CAMK2D: variants seen among roughly 807,000 people sequenced by gnomAD.
CAMK2D encodes calcium/calmodulin dependent protein kinase II delta, also known as calcium/calmodulin-dependent protein kinase type II subunit delta.
Under a neutral mutation model 84.0 loss-of-function variants are expected in CAMK2D, and 37 were observed. That is an observed-to-expected ratio of 0.44 (90% CI 0.34 to 0.58). The LOEUF is 0.58. Ranked by LOEUF, CAMK2D falls within the 20% of genes least tolerant of loss-of-function variation. CAMK2D has a pLI of 0.02. For synonymous variants in CAMK2D, 202 were observed against 212.5 expected (o/e 0.95, Z 0.43); for missense variants, 448 against 652.5 (o/e 0.69, Z 3.41).
intron 5 of CAMK2D, chr4:113,548,817 G>GAAAC (rs950760399): frequency 4.0e-5 from 26 of 642,514 alleles, no homozygotes; most frequent in Middle Eastern, 2.5e-4. Context: ...AAGTCCCAAT[G>GAAAC]AAACAAACAA....
chr4:113,700,723 A>G (rs546227709), intron 2 of CAMK2D, among the ~76,000 whole-genome samples: 1 of 152,226 alleles, frequency 6.6e-6, no homozygotes, highest in South Asian at 2.1e-4. Flanking sequence ...TTTTCTCTGC[A>G]GAAAAGGAAA....
At chr4:113,504,525 T>C (rs2098101053) in intron 14 of CAMK2D, among the ~76,000 whole-genome samples, 2 of 152,354 alleles carry the variant, frequency 1.3e-5, no homozygotes, top group South Asian at 4.1e-4. Flanking sequence ...ACGAGAACTC[T>C]GAATAAGGTC....
At chr4:113,594,885 T>C (rs1293688652) in intron 4 of CAMK2D, among the ~76,000 whole-genome samples, 1 of 152,148 alleles carries the variant, frequency 6.6e-6, no homozygotes, top group Non-Finnish European at 1.5e-5. Context: ...AGTAACAACA[T>C]TTGAAGCAAT....
At chr4:113,536,413 G>A (rs894939873) in intron 7 of CAMK2D, among the ~76,000 whole-genome samples, 2 of 152,192 alleles carry the variant, frequency 1.3e-5, no homozygotes, top group Non-Finnish European at 2.9e-5. Context: ...CTTGGGAGAT[G>A]TGTACATTAG....
chr4:113,600,792 C>A (rs954851588), intron 4 of CAMK2D, among the ~76,000 whole-genome samples: 1 of 150,672 alleles, frequency 6.6e-6, no homozygotes, highest in African/African-American at 2.5e-5. Flanking sequence ...ACCACCACAC[C>A]AGCTACTTTG....
intron 2 of CAMK2D, among the ~76,000 whole-genome samples, chr4:113,727,270 G>A (rs1006483926): frequency 8.5e-5 from 13 of 152,090 alleles, no homozygotes; most frequent in Non-Finnish European, 1.6e-4. Flanking sequence ...AGCTCGGATA[G>A]ATAAAACTAG....
chr4:113,557,785 G>A lies in CAMK2D; in HGVS notation c.276-5689C>T, dbSNP rs961659684. 6.6e-5 allele frequency among the ~76,000 whole-genome samples: 10 copies of A among 151,890 alleles called. No homozygotes were observed. In the East Asian group the frequency reaches 1.9e-3, roughly 29 times the overall value. On this transcript the variant is annotated intron_variant, in intron 4 of 20. Coordinates refer to ENST00000511664, the MANE Select transcript of CAMK2D (RefSeq NM_001321571.2). Reference sequence around the variant, plus strand: ...CCCTTAGCTCCCCAAAATTCCCCTGGGCACATATACGTATATTATGAGCAT... The same window carrying A: ...CCCTTAGCTCCCCAAAATTCCCCTGAGCACATATACGTATATTATGAGCAT...
intron 3 of CAMK2D, among the ~76,000 whole-genome samples, chr4:113,625,964 A>T (rs1186763484): frequency 6.6e-6 from 1 of 151,994 alleles, no homozygotes; most frequent in Non-Finnish European, 1.5e-5. Context: ...TAGTGAGCCA[A>T]GATTGCACCA....
At chr4:113,515,946 T>TTAAC (rs1303364081) in intron 9 of CAMK2D, among the ~76,000 whole-genome samples, 16 of 152,224 alleles carry the variant, frequency 1.1e-4, no homozygotes, top group African/African-American at 3.9e-4. Flanking sequence ...TGATAATTAC[T>TTAAC]TAACTTACTT....
chr4:113,495,165 C>T (rs551129798), intron 16 of CAMK2D, among the ~76,000 whole-genome samples: 2 of 152,260 alleles, frequency 1.3e-5, no homozygotes, highest in Admixed American at 6.5e-5. Context: ...TGGCTCCTCC[C>T]CCCAGTAATT....
intron 2 of CAMK2D, among the ~76,000 whole-genome samples, chr4:113,696,618 C>T (rs191112645): frequency 3.3e-5 from 5 of 152,186 alleles, no homozygotes; most frequent in Non-Finnish European, 7.4e-5. Context: ...CCCTTGCCTT[C>T]TCATCTTCAT....
intron 2 of CAMK2D, among the ~76,000 whole-genome samples, chr4:113,737,884 G>A (rs984549217): frequency 3.3e-5 from 5 of 152,070 alleles, no homozygotes; most frequent in African/African-American, 1.2e-4. Flanking sequence ...GGGAAAGAGT[G>A]AAGAGCTCTC....
chr4:113,759,928 G>A (rs1294098475), intron 1 of CAMK2D, among the ~76,000 whole-genome samples: 1 of 152,086 alleles, frequency 6.6e-6, no homozygotes, highest in Non-Finnish European at 1.5e-5. Flanking sequence ...TTGGACTGGG[G>A]GAGGGGAGAG....
intron 15 of CAMK2D, among the ~76,000 whole-genome samples, chr4:113,502,188 G>T (rs2098056924): frequency 6.6e-6 from 1 of 151,878 alleles, no homozygotes; most frequent in Admixed American, 6.6e-5. Flanking sequence ...ATTCAGAAAA[G>T]GTCTTTCATC....
intron 2 of CAMK2D, among the ~76,000 whole-genome samples, chr4:113,693,552 T>C (rs562663854): frequency 1.2e-4 from 18 of 152,292 alleles, no homozygotes; most frequent in Admixed American, 3.9e-4. Context: ...ACTAATGCCC[T>C]GTTTCCCTTC....
chr4:113,552,798 A>G (rs1303716823), intron 4 of CAMK2D, among the ~76,000 whole-genome samples: 1 of 152,206 alleles, frequency 6.6e-6, no homozygotes, highest in Non-Finnish European at 1.5e-5. Context: ...TACTGGGTGA[A>G]AGAGTACCCA....
At position 113,727,229 on chromosome 4, in the gene CAMK2D, ACT is replaced by A. The variant is rs200036605; in HGVS notation, c.160+32089_160+32090del. Reference sequence around the variant, plus strand: ...AGGTTATTTTTTAAAGAAATTGACAACTCTCTGTAAATTTATATAAAAATGAA... The same window carrying A: ...AGGTTATTTTTTAAAGAAATTGACAACTCTGTAAATTTATATAAAAATGAA... On this transcript the variant is annotated intron_variant, in intron 2 of 20. Transcript: ENST00000511664. Among the ~76,000 whole-genome samples the A allele has an allele frequency of 2.5e-3, 388 of 152,280 alleles. 2 individuals carry two copies. Among genetic ancestry groups the A allele is most frequent in the African/African-American group, 9.1e-3 (379 of 41,566 alleles).
At chr4:113,527,832 A>T (rs1212735750) in intron 8 of CAMK2D, among the ~76,000 whole-genome samples, 1 of 152,188 alleles carries the variant, frequency 6.6e-6, no homozygotes, top group East Asian at 1.9e-4. Flanking sequence ...CAGATATACA[A>T]TGTGGCATAA....
intron 16 of CAMK2D, among the ~76,000 whole-genome samples, chr4:113,475,725 T>G (rs971265595): frequency 6.6e-6 from 1 of 152,232 alleles, no homozygotes; most frequent in African/African-American, 2.4e-5. Flanking sequence ...AAGCAGATCT[T>G]TTACTACACA....
Sources: allele counts gnomAD v4.1 joint callset (sites outside exome capture counted in the v4.1 genomes callset), GRCh38; gene constraint gnomAD v4.1.1; transcripts MANE v1.5; gene names NCBI Gene and HGNC (gene_info 2026-07-23, HGNC 2026-07-21).